MAP3K5: variants seen among roughly 807,000 people sequenced by gnomAD.
The protein encoded by MAP3K5 is mitogen-activated protein kinase kinase kinase 5.
In MAP3K5, 56 loss-of-function variants were observed where a neutral mutation model predicts 158.7. The observed-to-expected ratio is 0.35, with a 90% CI of 0.28 to 0.44. MAP3K5 has a LOEUF of 0.44. Ranked by LOEUF, MAP3K5 falls within the 20% of genes least tolerant of loss-of-function variation. The pLI, the probability that MAP3K5 is intolerant of heterozygous loss-of-function variation, is 1.00. For missense variants in MAP3K5, 1,294 were observed against 1,674.8 expected (o/e 0.77, Z 3.97); for synonymous variants, 579 against 601.7 (o/e 0.96, Z 0.55).
At chr6:136,639,819 C>G (rs1777835667) in intron 12 of MAP3K5, among the ~76,000 whole-genome samples, 181 bp from the exon 13 acceptor site, 1 of 152,200 alleles carries the variant, frequency 6.6e-6, no homozygotes, top group Non-Finnish European at 1.5e-5. Context: ...ATGATTTACT[C>G]TTCCGAGAGG....
At chr6:136,651,212 G>T in intron 10 of MAP3K5, 121 bp from the exon 11 acceptor site, 2 of 536,906 alleles carry the variant, frequency 3.7e-6, no homozygotes, top group South Asian at 2.5e-5. Context: ...ATCTGTTCCT[G>T]GAGTAAACCA....
In MAP3K5 at chr6:136,583,737, C is replaced by A. The variant is rs1164136938; in HGVS notation, c.3229G>T (p.Ala1077Ser). 6.2e-7 allele frequency: 1 copy of A among 1,613,294 alleles called. No individual in the cohort carries two copies. The highest frequency in any genetic ancestry group is 8.5e-7 in the Non-Finnish European group (1 of 1,179,560). Residue 1077 changes from alanine (A) to serine (S), a missense_variant, in exon 24 of 30, where the codon GCT becomes TCT. Around this residue, in one of 5 missense-constraint regions of MAP3K5, gnomAD observed 362 missense variants for 463.2 expected, o/e 0.78. Coordinates refer to ENST00000359015, the MANE Select transcript of MAP3K5 (RefSeq NM_005923.4). ...TCCCATTTTAGTTTCGGTTCTTCAG[C>A]CCCCTGTGAATAAAAATCAACAATC... Reference protein sequence around the residue: ...RNLMESLAQGAEEPKLKWEHI... With the variant: ...RNLMESLAQGSEEPKLKWEHI...
At chr6:136,700,268 GAT>G (rs1711879415) in intron 3 of MAP3K5, among the ~76,000 whole-genome samples, 1 of 152,140 alleles carries the variant, frequency 6.6e-6, no homozygotes, top group African/African-American at 2.4e-5. Flanking sequence ...AAAGGGAAGA[GAT>G]ATGAGGTTTG....
intron 1 of MAP3K5, among the ~76,000 whole-genome samples, chr6:136,764,735 C>G (rs978295810): frequency 7.2e-5 from 11 of 152,180 alleles, no homozygotes; most frequent in Non-Finnish European, 1.5e-4. Flanking sequence ...TTTAGCAAAG[C>G]ACCCACTATA....
chr6:136,600,021 C>G (rs1016150894), intron 21 of MAP3K5, among the ~76,000 whole-genome samples: 6 of 151,996 alleles, frequency 3.9e-5, no homozygotes, highest in African/African-American at 1.4e-4. Context: ...CCCAGGAAAC[C>G]CCAATTAACA....
intron 1 of MAP3K5, among the ~76,000 whole-genome samples, chr6:136,774,898 GT>G (rs1784347944): frequency 6.6e-6 from 1 of 152,108 alleles, no homozygotes; most frequent in Non-Finnish European, 1.5e-5. Context: ...CTAACAAAAG[GT>G]TTTTCATTAT....
At chr6:136,608,626 T>C (rs1353259121) in intron 18 of MAP3K5, among the ~76,000 whole-genome samples, 1 of 152,168 alleles carries the variant, frequency 6.6e-6, no homozygotes, top group Non-Finnish European at 1.5e-5. Context: ...GCCTGTTAAG[T>C]CTTGCTTGAG....
chr6:136,579,873 T>C (rs370727056), intron 25 of MAP3K5: 145 of 456,788 alleles, frequency 3.2e-4, no homozygotes, highest in African/African-American at 2.5e-3. Flanking sequence ...AGATGGGGCT[T>C]TGAAAGCTGT....
At chr6:136,600,388 C>T (rs1775822812) in intron 21 of MAP3K5, among the ~76,000 whole-genome samples, 1 of 151,792 alleles carries the variant, frequency 6.6e-6, no homozygotes, top group South Asian at 2.1e-4. Context: ...AGATGGGGGT[C>T]TCACCATATT....
chr6:136,706,568 TAGTA>T (rs1307693036), intron 2 of MAP3K5, among the ~76,000 whole-genome samples: 3 of 151,976 alleles, frequency 2.0e-5, no homozygotes, highest in Non-Finnish European at 2.9e-5. Context: ...GAAACAGAAA[TAGTA>T]AGGCATTTGT....
chr6:136,604,777 T>TTA (rs1491407927), intron 19 of MAP3K5, among the ~76,000 whole-genome samples: 1 of 120,248 alleles, frequency 8.3e-6, no homozygotes, highest in Non-Finnish European at 1.8e-5. Flanking sequence ...CTTTTTTTTT[T>TTA]AAAAAAAATG....
Position 136,642,517 on chromosome 6 carries a change from T to C in MAP3K5, c.1838+3A>G, listed in dbSNP as rs1778031128. The C allele has an allele frequency of 1.2e-6, 2 of 1,605,276 alleles. No homozygotes were observed. The highest frequency in any genetic ancestry group is 1.7e-6 in the Non-Finnish European group (2 of 1,172,446). On this transcript the variant is annotated splice_donor_region_variant and intron_variant, in intron 12 of 29. Coordinates refer to ENST00000359015, the MANE Select transcript of MAP3K5 (RefSeq NM_005923.4). ...GTTAACAAAATGTACCAAGGAAACT[T>C]ACCTCACTCCCCTGACAGAAGAGGC...
At chr6:136,693,198 A>G (rs1270794031) in intron 7 of MAP3K5, among the ~76,000 whole-genome samples, 1 of 152,156 alleles carries the variant, frequency 6.6e-6, no homozygotes, top group African/African-American at 2.4e-5. Context: ...CATGAAGCTG[A>G]TTCTGCCATA....
chr6:136,575,188 G>T (rs1182546623), intron 25 of MAP3K5, among the ~76,000 whole-genome samples: 5 of 148,914 alleles, frequency 3.4e-5, no homozygotes, highest in Admixed American at 1.3e-4. Flanking sequence ...TTGAGACAGG[G>T]TCTCACTCTG....
At chr6:136,730,143 T>G (rs1465459689) in intron 1 of MAP3K5, among the ~76,000 whole-genome samples, 1 of 136,002 alleles carries the variant, frequency 7.4e-6, no homozygotes, top group Non-Finnish European at 1.5e-5. Flanking sequence ...TGTTTTTTTG[T>G]TGTTTGGTTG....
At chr6:136,707,502 G>A (rs1781127321) in intron 2 of MAP3K5, among the ~76,000 whole-genome samples, 1 of 151,362 alleles carries the variant, frequency 6.6e-6, no homozygotes, top group African/African-American at 2.4e-5. Context: ...ATCACAGGGA[G>A]CTAAAGAAGA....
intron 17 of MAP3K5, 118 bp from the exon 18 acceptor site, chr6:136,611,505 A>G (rs1455428306): frequency 3.5e-6 from 2 of 572,924 alleles, no homozygotes; most frequent in Non-Finnish European, 6.4e-6. Flanking sequence ...CAACGACATT[A>G]ATTCTGTATT....
At chr6:136,745,009 T>C (rs1050769342) in intron 1 of MAP3K5, among the ~76,000 whole-genome samples, 7 of 152,192 alleles carry the variant, frequency 4.6e-5, no homozygotes, top group East Asian at 1.9e-4. Flanking sequence ...GCAACAAATA[T>C]TCATTTTCAC....
intron 29 of MAP3K5, among the ~76,000 whole-genome samples, chr6:136,558,247 T>C (rs1467204285): frequency 6.6e-6 from 1 of 151,864 alleles, no homozygotes; most frequent in Non-Finnish European, 1.5e-5. Context: ...GGCGTGGTGG[T>C]GGGCGCCTAT....
Sources: allele counts gnomAD v4.1 joint callset (sites outside exome capture counted in the v4.1 genomes callset), GRCh38; gene constraint gnomAD v4.1.1; regional missense constraint gnomAD v4.1.1; transcripts MANE v1.5; gene names NCBI Gene and HGNC (gene_info 2026-07-23, HGNC 2026-07-21).